Variants in SIL1 observed in about 807,000 individuals in gnomAD.
The protein encoded by SIL1 is nucleotide exchange factor SIL1.
In SIL1, 40 loss-of-function variants were observed where a neutral mutation model predicts 49.1. The ratio of observed to expected loss-of-function variants is 0.81; its 90% CI spans 0.63 to 1.06. SIL1 has a LOEUF of 1.06. Among genes scored for constraint, SIL1 ranks in the 50% least tolerant of loss-of-function variants. The probability of loss-of-function intolerance (pLI) is 0.00; values close to 1 mark genes in which losing one functional copy is unlikely to be tolerated. For missense variants in SIL1, 500 were observed against 572.6 expected (o/e 0.87, Z 1.29); for synonymous variants, 253 against 250.8 (o/e 1.01, Z -0.08).
chr5:139,130,085 C>T (rs1356728058), intron 1 of SIL1, among the ~76,000 whole-genome samples: 3 of 152,004 alleles, frequency 2.0e-5, no homozygotes. Context: ...ACAGCCTGAG[C>T]AACATGGCTA....
At chr5:139,081,882 A>AAAAAAAAAC (rs1303863073) in intron 3 of SIL1, among the ~76,000 whole-genome samples, 1 of 152,110 alleles carries the variant, frequency 6.6e-6, no homozygotes, top group Non-Finnish European at 1.5e-5. Context: ...CTGTCTTAAA[A>AAAAAAAAAC]AAAAAAAACA....
At chr5:139,112,078 C>G (rs10069515) in intron 3 of SIL1, among the ~76,000 whole-genome samples, 26,727 of 152,274 alleles carry the variant, frequency 0.18, 3,629 homozygotes, top group African/African-American at 0.38. Flanking sequence ...AGCTCCTAAC[C>G]GCGAGTGATC....
chr5:139,011,621 A>G (rs562205145), intron 7 of SIL1, among the ~76,000 whole-genome samples: 1 of 152,214 alleles, frequency 6.6e-6, no homozygotes, highest in East Asian at 1.9e-4. Context: ...AGTGTGAGCC[A>G]CTGCACCCCA....
chr5:138,954,151 C>G (rs1483576782), intron 7 of SIL1, among the ~76,000 whole-genome samples: 1 of 152,222 alleles, frequency 6.6e-6, no homozygotes, highest in African/African-American at 2.4e-5. Flanking sequence ...ACTCTGTCCC[C>G]CTCAGGCAGG....
intron 7 of SIL1, among the ~76,000 whole-genome samples, chr5:139,016,536 A>G (rs1459453222): frequency 1.3e-5 from 2 of 152,216 alleles, no homozygotes; most frequent in African/African-American, 4.8e-5. Context: ...GAATAGCTAC[A>G]ATTATTAACA....
At chr5:138,973,214 A>C (rs1767320016) in intron 7 of SIL1, among the ~76,000 whole-genome samples, 2 of 151,630 alleles carry the variant, frequency 1.3e-5, no homozygotes, top group Admixed American at 1.3e-4. Context: ...AAAAAAAAAA[A>C]AAAAAAAAAG....
Position 139,042,918 on chromosome 5 carries a change from C to T in SIL1, c.354-199G>A, listed in dbSNP as rs147742515. Reference sequence around the variant, plus strand: ...GTGGGAAGCAGGAGGATCACTTGAGCCCAGGGGTTCGAGGCTGTGGTAAAC... The same window carrying T: ...GTGGGAAGCAGGAGGATCACTTGAGTCCAGGGGTTCGAGGCTGTGGTAAAC... On this transcript the variant is annotated intron_variant, in intron 4 of 9. Coordinates refer to ENST00000394817, the MANE Select transcript of SIL1 (RefSeq NM_022464.5). Among the ~76,000 whole-genome samples, 412 of 152,264 alleles carry T rather than the reference C, an allele frequency of 2.7e-3. 3 individuals are homozygous for T. Among genetic ancestry groups the T allele is most frequent in the African/African-American group, 9.3e-3 (385 of 41,534 alleles).
chr5:139,176,504 G>T (rs138491106), intron 1 of SIL1, among the ~76,000 whole-genome samples: 1 of 152,262 alleles, frequency 6.6e-6, no homozygotes, highest in African/African-American at 2.4e-5. Flanking sequence ...CACTCAGGCT[G>T]CTATAAAATA....
chr5:139,072,211 A>T (rs967060043), intron 3 of SIL1, among the ~76,000 whole-genome samples: 3 of 152,304 alleles, frequency 2.0e-5, no homozygotes, highest in African/African-American at 7.2e-5. Flanking sequence ...ATGCTGTTAT[A>T]ATTGGGGTCT....
At position 139,197,994 on chromosome 5, in the gene SIL1, T is replaced by A. The variant is rs117929516; in HGVS notation, c.-11+275A>T. ...AACAGGCAAGGGCACTAAAAACAGG[T>A]GCGGAGCCAAAGCCAATCTCAAATT... On this transcript the variant is annotated intron_variant, in intron 1 of 9. Transcript: ENST00000394817. Among the ~76,000 whole-genome samples, 174 of 152,184 alleles carry A rather than the reference T, an allele frequency of 1.1e-3. 3 individuals are homozygous for A. In the East Asian group the frequency reaches 0.032, roughly 28 times the overall value.
intron 1 of SIL1, among the ~76,000 whole-genome samples, chr5:139,133,981 T>G (rs981996894): frequency 1.3e-5 from 2 of 151,516 alleles, no homozygotes; most frequent in Admixed American, 6.6e-5. Flanking sequence ...TCACTAGGCC[T>G]CAGTTTCTTC....
chr5:139,023,580 C>T (rs1475978675), intron 6 of SIL1, among the ~76,000 whole-genome samples: 1 of 152,248 alleles, frequency 6.6e-6, no homozygotes, highest in East Asian at 1.9e-4. Flanking sequence ...CAAGGTTTTG[C>T]TTTTCACATA....
At chr5:138,973,168 G>A (rs938558681) in intron 7 of SIL1, among the ~76,000 whole-genome samples, 4 of 143,938 alleles carry the variant, frequency 2.8e-5, no homozygotes, top group South Asian at 2.2e-4. Flanking sequence ...AAACCTGCGC[G>A]TTGTGCACAG....
chr5:139,015,919 C>G (rs1345360857), intron 7 of SIL1, among the ~76,000 whole-genome samples: 1 of 152,038 alleles, frequency 6.6e-6, no homozygotes, highest in African/African-American at 2.4e-5. Flanking sequence ...ATCGAGGTTC[C>G]TTAGTAGATG....
intron 3 of SIL1, 44 bp from the exon 4 acceptor site, chr5:139,051,090 T>C: frequency 6.3e-7 from 1 of 1,590,052 alleles, no homozygotes; most frequent in South Asian, 1.1e-5. Flanking sequence ...ACAAGGTCTT[T>C]GGAAGGCTGT....
intron 3 of SIL1, among the ~76,000 whole-genome samples, chr5:139,079,679 T>C (rs961181157): frequency 7.5e-4 from 114 of 152,274 alleles, no homozygotes; most frequent in African/African-American, 2.7e-3. Context: ...TGGCTGCAAA[T>C]AGAACAAAAT....
At chr5:139,032,095 C>G (rs529679082) in intron 5 of SIL1, among the ~76,000 whole-genome samples, 1 of 152,314 alleles carries the variant, frequency 6.6e-6, no homozygotes, top group East Asian at 1.9e-4. Context: ...CCTTGCCTTA[C>G]TGCATTGGCT....
In SIL1 at chr5:138,947,176, C is replaced by T. The variant is rs1276784134; in HGVS notation, c.1327G>A (p.Glu443Lys). Reference protein sequence around the residue: ...ASLELQDGEDEGYFQELLGSV... With the variant: ...ASLELQDGEDKGYFQELLGSV... ...CCCAGCAGCTCCTGGAAGTAGCCCTCGTCCTCACCATCCTGCAGCTCCAGG... is the reference window on the plus strand; with the variant it reads ...CCCAGCAGCTCCTGGAAGTAGCCCTTGTCCTCACCATCCTGCAGCTCCAGG... The change falls in exon 10 of 10, where the codon GAG (glutamate) becomes AAG (lysine). Residue 443 changes from glutamate to lysine, a missense_variant. Physicochemically the swap from Glu to Lys is moderately conservative, Grantham distance 56. Transcript: ENST00000394817. The surrounding 1 kb of genome is among the most constrained non-coding windows in gnomAD (Gnocchi z 4.1). 6.8e-6 allele frequency: 11 copies of T among 1,613,502 alleles called. No homozygotes were observed. The highest frequency in any genetic ancestry group is 1.3e-5 in the African/African-American group (1 of 74,918).
intron 3 of SIL1, among the ~76,000 whole-genome samples, chr5:139,068,655 G>GAAAAAAAAAAAAAAAAAAAAAAAAAA (rs745799045): frequency 1.5e-5 from 1 of 64,812 alleles, no homozygotes; most frequent in Non-Finnish European, 4.1e-5. Flanking sequence ...GAATGAAAAG[G>GAAAAAAAAAAAAAAAAAAAAAAAAAA]AAAAAAAAAA....
Sources: allele counts gnomAD v4.1 joint callset (sites outside exome capture counted in the v4.1 genomes callset), GRCh38; gene constraint gnomAD v4.1.1; non-coding constraint Gnocchi (gnomAD v3.1); transcripts MANE v1.5; gene names NCBI Gene and HGNC (gene_info 2026-07-23, HGNC 2026-07-21).